BRD4: variants seen among roughly 807,000 people sequenced by gnomAD.
The protein encoded by BRD4 is bromodomain-containing protein 4.
Under a neutral mutation model 142.1 loss-of-function variants are expected in BRD4, and 16 were observed. That is an observed-to-expected ratio of 0.11 (90% CI 0.08 to 0.17). The LOEUF (loss-of-function observed/expected upper bound fraction) is 0.17. Ranked by LOEUF, BRD4 falls within the 10% of genes least tolerant of loss-of-function variation. The pLI, the probability that BRD4 is intolerant of heterozygous loss-of-function variation, is 1.00. For synonymous variants in BRD4, 833 were observed against 707.5 expected (o/e 1.18, Z -2.82); for missense variants, 1,424 against 1,810.9 (o/e 0.79, Z 3.88).
intron 14 of BRD4, among the ~76,000 whole-genome samples, chr19:15,241,109 G>A (rs1599430829): frequency 1.3e-5 from 2 of 152,360 alleles, no homozygotes; most frequent in African/African-American, 4.8e-5. Flanking sequence ...TGGTGGCCAG[G>A]CCCATCCTGT....
rs201360582 is a variant in BRD4 at position 15,238,962 on chromosome 19, A to T, written c.3801T>A (p.Asp1267Glu). 1.4e-4 allele frequency: 219 copies of T among 1,591,120 alleles called. No individual in the cohort carries two copies. Among genetic ancestry groups the T allele is most frequent in the Non-Finnish European group, 1.7e-4 (194 of 1,170,278 alleles). ...QERMRSREDE[D>E]ALEQARRAHE... ...GGGCCCGCCGGGCCTGCTCCAGCGCATCCTCGTCCTCTCGGCTCCTGGGCA... is the reference window on the plus strand; with the variant it reads ...GGGCCCGCCGGGCCTGCTCCAGCGCTTCCTCGTCCTCTCGGCTCCTGGGCA... Residue 1267 changes from aspartate (D) to glutamate (E), a missense_variant, in exon 19 of 20, where the codon GAT becomes GAA. By Grantham distance (45) the Asp-to-Glu change is conservative. Around this residue, in one of 16 missense-constraint regions of BRD4, gnomAD observed 109 missense variants for 117.9 expected, o/e 0.92. Coordinates refer to ENST00000679869, the MANE Select transcript of BRD4 (RefSeq NM_001379291.1). The surrounding 1 kb of genome is among the most constrained non-coding windows in gnomAD (Gnocchi z 7.2).
intron 1 of BRD4, among the ~76,000 whole-genome samples, chr19:15,276,121 T>A (rs774044340): frequency 3.3e-5 from 5 of 152,242 alleles, no homozygotes; most frequent in Non-Finnish European, 5.9e-5. Context: ...GGGACCACAC[T>A]GACCTACTGC....
At chr19:15,283,144 T>C (rs2047717117) in intron 1 of BRD4, among the ~76,000 whole-genome samples, 1 of 152,008 alleles carries the variant, frequency 6.6e-6, no homozygotes. Flanking sequence ...GGGTGTTTCC[T>C]AGGAGGAAGG....
In BRD4 at chr19:15,240,040, G is replaced by T. The variant is rs146449278; in HGVS notation, c.3170-18C>A. The T allele has an allele frequency of 6.2e-7, 1 of 1,600,764 alleles. No individual in the cohort carries two copies. The highest frequency in any genetic ancestry group is 8.5e-7 in the Non-Finnish European group (1 of 1,173,156). On this transcript the variant is annotated intron_variant, in intron 14 of 19. Transcript: ENST00000679869. ...GAGGTGACCTAGGAGAAGGGACAAGGAATGTGTCAAGGGGCTGGCTTAGAA... is the reference window on the plus strand; with the variant it reads ...GAGGTGACCTAGGAGAAGGGACAAGTAATGTGTCAAGGGGCTGGCTTAGAA...
chr19:15,238,295 T>G lies in BRD4; in HGVS notation c.*82A>C. 1 of 1,591,586 alleles carries G rather than the reference T, an allele frequency of 6.3e-7. No individual in the cohort carries two copies. The highest frequency in any genetic ancestry group is 8.6e-7 in the Non-Finnish European group (1 of 1,167,412). On this transcript the variant is annotated 3_prime_UTR_variant, in exon 20 of 20. Coordinates refer to ENST00000679869, the MANE Select transcript of BRD4 (RefSeq NM_001379291.1). This position sits in a 1 kb window ranked among gnomAD's most constrained non-coding sequence, Gnocchi z 7.2. Reference sequence around the variant, plus strand: ...CCCTGAGGCATCCCCTGGCCGCTGATCCCACCTCCACCACCGCCCCTAACA... The same window carrying G: ...CCCTGAGGCATCCCCTGGCCGCTGAGCCCACCTCCACCACCGCCCCTAACA...
Position 15,274,287 on chromosome 19 carries a change from A to G in BRD4, c.-34-1154T>C, listed in dbSNP as rs189970127. On this transcript the variant is annotated intron_variant, in intron 1 of 19. Coordinates refer to ENST00000679869, the MANE Select transcript of BRD4 (RefSeq NM_001379291.1). ...AACAAGTCAGTGGGGTTTAAACCCC[A>G]CTCACATGTGGAGTAGGCTGGAGAG... 2.0e-3 allele frequency among the ~76,000 whole-genome samples: 309 copies of G among 152,198 alleles called. 2 individuals carry two copies. The highest frequency in any genetic ancestry group is 7.2e-3 in the African/African-American group (300 of 41,518).
chr19:15,252,109 G>A (rs898147985), intron 11 of BRD4, among the ~76,000 whole-genome samples: 12 of 152,178 alleles, frequency 7.9e-5, no homozygotes, highest in African/African-American at 2.4e-4. Flanking sequence ...GCAGCGGCAG[G>A]AGGGGTGTGG....
At chr19:15,244,645 G>C (rs750388811) in intron 12 of BRD4, 45 bp from the exon 13 acceptor site, 1 of 1,613,986 alleles carries the variant, frequency 6.2e-7, no homozygotes, top group Non-Finnish European at 8.5e-7. Flanking sequence ...ATGTCAGGCA[G>C]GCAGAACTGG....
chr19:15,259,795 T>C (rs2047449656), intron 7 of BRD4, among the ~76,000 whole-genome samples: 1 of 152,158 alleles, frequency 6.6e-6, no homozygotes, highest in South Asian at 2.1e-4. Flanking sequence ...TCAGTCTAGC[T>C]GGAAACAGAA....
At chr19:15,323,988 A>G (rs1210689101) in intron 1 of BRD4, among the ~76,000 whole-genome samples, 4 of 152,174 alleles carry the variant, frequency 2.6e-5, no homozygotes, top group African/African-American at 9.7e-5. Context: ...CATTTTACAG[A>G]AGAGAAAACT....
chr19:15,303,405 A>G (rs2047888126), intron 1 of BRD4, among the ~76,000 whole-genome samples: 1 of 151,948 alleles, frequency 6.6e-6, no homozygotes, highest in African/African-American at 2.4e-5. Flanking sequence ...CTATGCGGGG[A>G]TGGGGCGGGG....
chr19:15,300,410 C>T (rs896777855), intron 1 of BRD4, among the ~76,000 whole-genome samples: 1 of 151,638 alleles, frequency 6.6e-6, no homozygotes, highest in African/African-American at 2.4e-5. Flanking sequence ...ATACAAAAAG[C>T]CAGGTGTGGC....
chr19:15,238,395 A>G lies in BRD4; in HGVS notation c.4071T>C (p.Phe1357=). ...GGTGCGCTCAGAAAAGATTTTCTTC[A>G]AATATTGACAATAGATCACTCTGGA... ...MNFQSDLLSI[F]EENLF is the part of the protein sequence containing the mutation. Residue 1357 remains phenylalanine, a synonymous_variant, in exon 20 of 20, where the codon TTT becomes TTC. Coordinates refer to ENST00000679869, the MANE Select transcript of BRD4 (RefSeq NM_001379291.1). This position sits in a 1 kb window ranked among gnomAD's most constrained non-coding sequence, Gnocchi z 7.2. 6.2e-7 allele frequency: 1 copy of G among 1,614,104 alleles called. No individual in the cohort carries two copies. The highest frequency in any genetic ancestry group is 1.1e-5 in the South Asian group (1 of 91,080).
intron 11 of BRD4, chr19:15,248,216 A>C (rs1452983579): frequency 4.5e-6 from 1 of 219,820 alleles, no homozygotes; most frequent in Non-Finnish European, 9.1e-6. Context: ...TTTTTAGAGC[A>C]AAAAAGCCTA....
chr19:15,272,881 T>A lies in BRD4; in HGVS notation c.219A>T (p.Thr73=). The stretch of plus-strand genomic sequence containing the variant: ...GCCATGCAAACTGGTGTTTCCATAG[T>A]GTCTTGAGCACCACTCTGAGCAGGT... ...LQYLLRVVLK[T]LWKHQFAWPF... The change falls in exon 2 of 20, where the codon ACA becomes ACT. Residue 73 remains threonine, a synonymous_variant. Transcript: ENST00000679869. 6.2e-7 allele frequency: 1 copy of A among 1,614,054 alleles called. No homozygotes were observed. Among genetic ancestry groups the A allele is most frequent in the African/African-American group, 1.3e-5 (1 of 75,006 alleles).
At chr19:15,241,290 C>G (rs12984889) in intron 14 of BRD4, among the ~76,000 whole-genome samples, 23,902 of 152,332 alleles carry the variant, frequency 0.16, 1,981 homozygotes, top group Middle Eastern at 0.2. Flanking sequence ...TCCCACCCAA[C>G]TAGGGCAGTG....
rs10425019 is a variant in BRD4 at position 15,316,412 on chromosome 19, A to G, written c.-35+15878T>C. 6.3e-3 allele frequency among the ~76,000 whole-genome samples: 952 copies of G among 152,078 alleles called. 8 individuals are homozygous for G. The highest frequency in any genetic ancestry group is 0.022 in the African/African-American group (903 of 41,478). ...CGAGACCAGCCTGGCCAACGTGGTG[A>G]AACCCTGTCTCTAATAAAAATACAA... is the stretch of plus-strand genomic sequence containing the variant. On this transcript the variant is annotated intron_variant, in intron 1 of 19. Coordinates refer to ENST00000679869, the MANE Select transcript of BRD4 (RefSeq NM_001379291.1).
At chr19:15,281,837 G>T (rs2047706991) in intron 1 of BRD4, among the ~76,000 whole-genome samples, 1 of 152,140 alleles carries the variant, frequency 6.6e-6, no homozygotes, top group African/African-American at 2.4e-5. Context: ...GGGCAACACA[G>T]TGAAACCCTA....
At chr19:15,292,634 T>C (rs867083897) in intron 1 of BRD4, among the ~76,000 whole-genome samples, 14 of 151,204 alleles carry the variant, frequency 9.3e-5, no homozygotes, top group South Asian at 6.3e-4. Context: ...AAAAATTAGC[T>C]GGGCGTGGTG....
Sources: allele counts gnomAD v4.1 joint callset (sites outside exome capture counted in the v4.1 genomes callset), GRCh38; gene constraint gnomAD v4.1.1; regional missense constraint gnomAD v4.1.1; non-coding constraint Gnocchi (gnomAD v3.1); transcripts MANE v1.5; gene names NCBI Gene and HGNC (gene_info 2026-07-23, HGNC 2026-07-21).